The following SLC4A4 variants were observed in gnomAD, a reference collection of about 807,000 sequenced individuals.
SLC4A4 encodes solute carrier family 4 member 4.
SLC4A4 carries 27 observed loss-of-function variants against 111.5 expected under a neutral mutation model. The ratio of observed to expected loss-of-function variants is 0.24; its 90% CI spans 0.18 to 0.33. The LOEUF (loss-of-function observed/expected upper bound fraction) is 0.33. Among genes scored for constraint, SLC4A4 ranks in the 10% least tolerant of loss-of-function variants. The pLI is 1.00. For synonymous variants in SLC4A4, 443 were observed against 463.4 expected (o/e 0.96, Z 0.57); for missense variants, 909 against 1,315.5 (o/e 0.69, Z 4.78).
intron 2 of SLC4A4, among the ~76,000 whole-genome samples, chr4:71,145,373 A>G (rs7689450): frequency 0.73 from 111,570 of 152,058 alleles, 42,673 homozygotes; most frequent in Admixed American, 0.84. Context: ...GGATTTTTGC[A>G]TCAATGTTTA....
chr4:71,503,704 C>G (rs910724587), intron 16 of SLC4A4, among the ~76,000 whole-genome samples: 1 of 152,100 alleles, frequency 6.6e-6, no homozygotes, highest in Non-Finnish European at 1.5e-5. Context: ...AACCTTCATA[C>G]TAGAGATTGA....
chr4:71,437,077 A>G (rs1024421839), intron 7 of SLC4A4: 4 of 426,278 alleles, frequency 9.4e-6, no homozygotes, highest in Admixed American at 5.7e-5. Flanking sequence ...GCCACAGGCA[A>G]TCACTTCTTT....
At chr4:71,336,707 G>A (rs1193265985) in intron 3 of SLC4A4, among the ~76,000 whole-genome samples, 1 of 152,094 alleles carries the variant, frequency 6.6e-6, no homozygotes, top group African/African-American at 2.4e-5. Flanking sequence ...TTTTTAGCCA[G>A]TATCACTTTC....
intron 13 of SLC4A4, among the ~76,000 whole-genome samples, chr4:71,470,358 T>C (rs1203260033): frequency 6.6e-6 from 1 of 152,052 alleles, no homozygotes; most frequent in Non-Finnish European, 1.5e-5. Flanking sequence ...TCTTCGGTAA[T>C]GTATTTCAAT....
intron 6 of SLC4A4, among the ~76,000 whole-genome samples, chr4:71,364,330 T>C (rs1456057989): frequency 2.6e-5 from 4 of 152,234 alleles, no homozygotes; most frequent in African/African-American, 9.6e-5. Context: ...TCTTATTCTG[T>C]GCATATAACC....
Position 71,534,361 on chromosome 4 carries a change from T to A in SLC4A4, c.2415T>A (p.Ile805=). The part of the protein sequence containing the change: ...IFMDQQITAV[I]VNRKEHKLKK... ...TGGACCAACAAATTACAGCTGTGAT[T>A]GTAAACAGGAAAGAACATAAACTCA... Residue 805 remains isoleucine (I), a synonymous_variant, in exon 18 of 26, where the codon ATT becomes ATA. Coordinates refer to ENST00000264485, the MANE Select transcript of SLC4A4 (RefSeq NM_001098484.3). 1 of 1,613,688 alleles carries A rather than the reference T, an allele frequency of 6.2e-7. No individual in the cohort carries two copies. The highest frequency in any genetic ancestry group is 8.5e-7 in the Non-Finnish European group (1 of 1,179,712).
intron 7 of SLC4A4, among the ~76,000 whole-genome samples, chr4:71,402,851 A>T (rs1720493043): frequency 6.6e-6 from 1 of 152,192 alleles, no homozygotes; most frequent in Admixed American, 6.5e-5. Flanking sequence ...ATAATTAACA[A>T]AACATGTCTG....
At position 71,116,321 on chromosome 4, in the gene SLC4A4, G is replaced by T. The variant is rs191593555; in HGVS notation, c.-2+23529G>T. ...TAGTTTGTCAACACGTTTAAGTCCA[G>T]TTGGAGATTGTTTTTGTTTGCTTTT... On this transcript the variant is annotated intron_variant, in intron 2 of 26. Coordinates refer to the SLC4A4 transcript ENST00000649996. Among the ~76,000 whole-genome samples the T allele has an allele frequency of 3.0e-3, 464 of 152,308 alleles. 3 individuals carry two copies. Among genetic ancestry groups the T allele is most frequent in the Non-Finnish European group, 4.4e-3 (300 of 68,020 alleles).
chr4:71,216,384 T>C (rs1357849629), intron 1 of SLC4A4, among the ~76,000 whole-genome samples: 2 of 152,220 alleles, frequency 1.3e-5, no homozygotes, highest in Admixed American at 1.3e-4. Flanking sequence ...TTTATTCTTG[T>C]CAAAAACATT....
intron 1 of SLC4A4, among the ~76,000 whole-genome samples, chr4:71,220,272 A>G (rs1355406873): frequency 6.6e-6 from 1 of 152,240 alleles, no homozygotes; most frequent in Non-Finnish European, 1.5e-5. Context: ...TTTTTTAGCA[A>G]TACAGAATTT....
rs561603290 is a variant in SLC4A4, at chr4:71,128,127, C to T, written c.-2+35335C>T. On this transcript the variant is annotated intron_variant, in intron 2 of 26. Coordinates refer to the SLC4A4 transcript ENST00000649996. ...TGATAAAGACATACCTGAAACTGGG[C>T]AATTAACAAAAGAAAGAGGTTTAAT... 2.1e-4 allele frequency among the ~76,000 whole-genome samples: 32 copies of T among 152,264 alleles called. No homozygotes were observed. The South Asian group carries it at 6.2e-3, about 30-fold the overall frequency.
chr4:71,235,468 G>C (rs1274291886), intron 1 of SLC4A4, among the ~76,000 whole-genome samples: 26 of 152,186 alleles, frequency 1.7e-4, no homozygotes, highest in Admixed American at 1.7e-3. Flanking sequence ...CTCTGGCAGG[G>C]CTCATGTACG....
At position 71,555,277 on chromosome 4, in the gene SLC4A4, T is replaced by A; in HGVS notation, c.2763+69T>A. On this transcript the variant is annotated intron_variant, in intron 21 of 25. Transcript: ENST00000264485. ...GTAGTAAGAATAGTCCAGTAACAGATCTTTGAAGAAAAGTGCTAATCATTA... is the reference window on the plus strand; with the variant it reads ...GTAGTAAGAATAGTCCAGTAACAGAACTTTGAAGAAAAGTGCTAATCATTA... The A allele has an allele frequency of 2.9e-6, 3 of 1,040,750 alleles. No individual in the cohort carries two copies. The South Asian group carries it at 3.8e-5, about 13-fold the overall frequency. The allele number at this position is 1,040,750 out of a possible 1,614,324, so 64.5% of individuals were successfully genotyped here.
At chr4:71,232,921 T>C (rs566495619) in intron 1 of SLC4A4, among the ~76,000 whole-genome samples, 1 of 152,236 alleles carries the variant, frequency 6.6e-6, no homozygotes, top group Non-Finnish European at 1.5e-5. Context: ...CTGGAAAGGG[T>C]TAATGTGAGC....
At chr4:71,541,521 T>C (rs376535778) in intron 18 of SLC4A4, among the ~76,000 whole-genome samples, 161 of 152,178 alleles carry the variant, frequency 1.1e-3, no homozygotes, top group South Asian at 3.7e-3. Context: ...ATTTAGGGAT[T>C]TGTAGAGTTT....
At chr4:71,294,211 A>C (rs1443735832) in intron 3 of SLC4A4, among the ~76,000 whole-genome samples, 2 of 152,238 alleles carry the variant, frequency 1.3e-5, no homozygotes, top group African/African-American at 4.8e-5. Flanking sequence ...GGAGAAGCAC[A>C]TTCTCCCAGT....
chr4:71,483,756 TC>T (rs1184158173), intron 14 of SLC4A4, among the ~76,000 whole-genome samples: 2 of 152,148 alleles, frequency 1.3e-5, no homozygotes, highest in African/African-American at 4.8e-5. Context: ...CACACTGTTT[TC>T]CACAATGGTT....
intron 6 of SLC4A4, among the ~76,000 whole-genome samples, chr4:71,366,552 G>A (rs911999243): frequency 6.6e-6 from 1 of 152,186 alleles, no homozygotes; most frequent in Non-Finnish European, 1.5e-5. Flanking sequence ...TCAGATTGTG[G>A]TAATATAAAC....
chr4:71,560,013 C>A, intron 22 of SLC4A4, 80 bp from the exon 23 acceptor site: 1 of 1,115,392 alleles, frequency 9.0e-7, no homozygotes, highest in Non-Finnish European at 1.4e-6. Context: ...TTTCTGTGGT[C>A]TTTGATAGGA....
Sources: gnomAD v4.1 joint callset for allele counts (sites outside exome capture counted in the v4.1 genomes callset) on GRCh38, gnomAD v4.1.1 for gene constraint, MANE v1.5 for transcripts, NCBI Gene and HGNC (gene_info 2026-07-23, HGNC 2026-07-21) for gene names.